The following BMP7 variants were observed in gnomAD, a reference collection of about 807,000 sequenced individuals.
BMP7 encodes bone morphogenetic protein 7.
A neutral mutation model predicts 41.2 loss-of-function variants in BMP7; 12 were observed. That is an observed-to-expected ratio of 0.29 (90% CI 0.19 to 0.47). BMP7 has a LOEUF of 0.47. Among genes scored for constraint, BMP7 ranks in the 20% least tolerant of loss-of-function variants. BMP7 has a pLI of 0.99. For synonymous variants in BMP7, 248 were observed against 250.0 expected (o/e 0.99, Z 0.07); for missense variants, 467 against 606.0 (o/e 0.77, Z 2.41).
chr20:57,241,540 G>A (rs1009992741), intron 1 of BMP7, among the ~76,000 whole-genome samples: 2 of 152,146 alleles, frequency 1.3e-5, no homozygotes, highest in African/African-American at 4.8e-5. Flanking sequence ...TTCAACTCTC[G>A]AACTTTCCAC....
intron 1 of BMP7, among the ~76,000 whole-genome samples, chr20:57,241,441 T>C (rs1450323883): frequency 6.6e-6 from 1 of 152,124 alleles, no homozygotes; most frequent in Non-Finnish European, 1.5e-5. Context: ...ATCTCCTCAT[T>C]ACCCCTCCCC....
In BMP7 at chr20:57,261,701, C is replaced by T. The variant is rs367722338; in HGVS notation, c.418+4004G>A. On this transcript the variant is annotated intron_variant, in intron 1 of 6. Transcript: ENST00000395863. The surrounding 1 kb of genome is among the most constrained non-coding windows in gnomAD (Gnocchi z 4.1). ...TGCTCACCAGTGAGGGCCGGCGCTCCGAGTGCTGGAATGTGGAGCAGCCCC... is the reference window on the plus strand; with the variant it reads ...TGCTCACCAGTGAGGGCCGGCGCTCTGAGTGCTGGAATGTGGAGCAGCCCC... Among the ~76,000 whole-genome samples the T allele has an allele frequency of 3.9e-5, 6 of 152,192 alleles. No individual in the cohort carries two copies. Among genetic ancestry groups the T allele is most frequent in the African/African-American group, 7.2e-5 (3 of 41,434 alleles).
At chr20:57,211,150 G>A (rs1484597536) in intron 2 of BMP7, among the ~76,000 whole-genome samples, 1 of 152,174 alleles carries the variant, frequency 6.6e-6, no homozygotes, top group East Asian at 1.9e-4. Context: ...CTGCACACTA[G>A]GCTCTTAAGG....
At position 57,265,894 on chromosome 20, in the gene BMP7, T is replaced by C. The variant is rs745548111; in HGVS notation, c.229A>G (p.Asn77Asp). The C allele has an allele frequency of 3.1e-6, 5 of 1,597,794 alleles. No homozygotes were observed. The highest frequency in any genetic ancestry group is 4.3e-6 in the Non-Finnish European group (5 of 1,172,280). The change falls in exon 1 of 7, where the codon AAC (asparagine) becomes GAC (aspartate). Residue 77 changes from asparagine to aspartate, a missense_variant. By Grantham distance (23) the Asn-to-Asp change is conservative. Transcript: ENST00000395863. ...TCCAGCATGAACATGGGTGCCGAGT[T>C]GTGCTTGCCCTGGAGGTGCGGGCGC... ...RPRPHLQGKHNSAPMFMLDLY... is the reference protein window; with the variant it reads ...RPRPHLQGKHDSAPMFMLDLY...
chr20:57,236,665 G>A (rs1275628981), intron 1 of BMP7, among the ~76,000 whole-genome samples: 1 of 152,014 alleles, frequency 6.6e-6, no homozygotes, highest in African/African-American at 2.4e-5. Context: ...TTCAGAGAAA[G>A]GGGGCAGGGA....
At chr20:57,180,354 C>A (rs1480946394) in intron 4 of BMP7, among the ~76,000 whole-genome samples, 1 of 151,646 alleles carries the variant, frequency 6.6e-6, no homozygotes, top group Non-Finnish European at 1.5e-5. Flanking sequence ...CAGGAAACCC[C>A]ACAGCACAGG....
intron 1 of BMP7, among the ~76,000 whole-genome samples, chr20:57,247,406 C>T (rs2066094569): frequency 6.6e-6 from 1 of 152,216 alleles, no homozygotes; most frequent in African/African-American, 2.4e-5. Context: ...TTCACAAAAC[C>T]ACATTCAAGG....
At chr20:57,210,952 G>A (rs953830697) in intron 2 of BMP7, among the ~76,000 whole-genome samples, 2 of 152,370 alleles carry the variant, frequency 1.3e-5, no homozygotes, top group Middle Eastern at 3.4e-3. Flanking sequence ...TTAGGGCAGT[G>A]TAATGAAAAA....
chr20:57,181,688 G>A (rs142604476), intron 4 of BMP7, among the ~76,000 whole-genome samples: 1 of 152,170 alleles, frequency 6.6e-6, no homozygotes, highest in East Asian at 1.9e-4. Context: ...TCTAGGGGAG[G>A]ATCCCTTCCT....
chr20:57,208,450 G>T (rs545899604), intron 2 of BMP7, among the ~76,000 whole-genome samples: 2 of 152,186 alleles, frequency 1.3e-5, no homozygotes, highest in African/African-American at 2.4e-5. Context: ...AGTGTTACTG[G>T]CAAGGATGTA....
At chr20:57,175,818 C>G (rs560732217) in intron 4 of BMP7, among the ~76,000 whole-genome samples, 130 of 97,358 alleles carry the variant, frequency 1.3e-3, no homozygotes, top group African/African-American at 4.4e-3. Flanking sequence ...AGAGCAGGGC[C>G]CAGGCTGTGC....
chr20:57,263,610 GC>G (rs1253224816), intron 1 of BMP7, among the ~76,000 whole-genome samples: 1 of 152,150 alleles, frequency 6.6e-6, no homozygotes, highest in Non-Finnish European at 1.5e-5. Flanking sequence ...GGCTCTGAAG[GC>G]AGCCACTGGG....
intron 2 of BMP7, among the ~76,000 whole-genome samples, chr20:57,205,957 G>A (rs1984719725): frequency 1.3e-5 from 2 of 152,160 alleles, no homozygotes; most frequent in African/African-American, 4.8e-5. Flanking sequence ...TGGGTCGAGT[G>A]TGAGATGCTA....
rs533725854 is a variant in BMP7, at chr20:57,261,447, T to C, written c.418+4258A>G. 1.3e-5 allele frequency among the ~76,000 whole-genome samples: 2 copies of C among 152,292 alleles called. No homozygotes were observed. The highest frequency in any genetic ancestry group is 4.8e-5 in the African/African-American group (2 of 41,554). On this transcript the variant is annotated intron_variant, in intron 1 of 6. Coordinates refer to ENST00000395863, the MANE Select transcript of BMP7 (RefSeq NM_001719.3). The surrounding 1 kb of genome is among the most constrained non-coding windows in gnomAD (Gnocchi z 4.1). ...GGGCTCAGCCTTACCCTGCCTTGAT[T>C]CCAGAAGGAAAATACATAGAAAATG...
intron 2 of BMP7, among the ~76,000 whole-genome samples, chr20:57,202,873 C>T (rs1274159716): frequency 6.6e-6 from 1 of 152,168 alleles, no homozygotes; most frequent in East Asian, 1.9e-4. Flanking sequence ...GGCAATCTCA[C>T]CCCATAAATT....
At position 57,213,248 on chromosome 20, in the gene BMP7, G is replaced by A. The variant is rs1984936211; in HGVS notation, c.612-10625C>T. On this transcript the variant is annotated intron_variant, in intron 2 of 6. Transcript: ENST00000395863. The surrounding 1 kb of genome is among the most constrained non-coding windows in gnomAD (Gnocchi z 4.4). The stretch of plus-strand genomic sequence containing the variant: ...GCCCGTCCAGCACCCGGAGGCCAGC[G>A]TTGTCACAGTCAGAAGGCGAGTCAG... Among the ~76,000 whole-genome samples, 1 of 152,206 alleles carries A rather than the reference G, an allele frequency of 6.6e-6. No individual in the cohort carries two copies. The highest frequency in any genetic ancestry group is 2.1e-4 in the South Asian group (1 of 4,832).
intron 1 of BMP7, among the ~76,000 whole-genome samples, chr20:57,263,953 G>A (rs1405982951): frequency 6.6e-6 from 1 of 151,944 alleles, no homozygotes; most frequent in African/African-American, 2.4e-5. Flanking sequence ...AGGAGGACAC[G>A]ATGATATACA....
intron 6 of BMP7, among the ~76,000 whole-genome samples, chr20:57,172,484 G>A (rs192965017): frequency 3.3e-5 from 5 of 152,324 alleles, no homozygotes; most frequent in Admixed American, 1.3e-4. Context: ...AGTAGTCCTG[G>A]TAGTGAGCTC....
chr20:57,177,325 A>G (rs893955597), intron 4 of BMP7, among the ~76,000 whole-genome samples: 4 of 151,238 alleles, frequency 2.6e-5, no homozygotes, highest in Non-Finnish European at 5.9e-5. Flanking sequence ...CTGGGGACTG[A>G]AAAGCAGGCT....
Sources: gnomAD v4.1 joint callset for allele counts (sites outside exome capture counted in the v4.1 genomes callset) on GRCh38, gnomAD v4.1.1 for gene constraint, Gnocchi (gnomAD v3.1) non-coding constraint, MANE v1.5 for transcripts, NCBI Gene and HGNC (gene_info 2026-07-23, HGNC 2026-07-21) for gene names.